KMO: variants seen among roughly 807,000 people sequenced by gnomAD.
KMO encodes the protein kynurenine 3-hydroxylase.
KMO carries 24 observed loss-of-function variants against 57.8 expected under a neutral mutation model. The observed-to-expected ratio is 0.42, with a 90% CI of 0.30 to 0.58. KMO has a LOEUF of 0.58. KMO is among the 20% of genes least tolerant of loss of function. The pLI is 0.22. For synonymous variants in KMO, 210 were observed against 193.6 expected, an observed-to-expected ratio of 1.08 and a Z score of -0.70; for missense variants, 483 against 588.2, an observed-to-expected ratio of 0.82 and a Z score of 1.85.
At chr1:241,546,808 A>C (rs78075210) in intron 1 of KMO, among the ~76,000 whole-genome samples, 1 of 152,264 alleles carries the variant, frequency 6.6e-6, no homozygotes, top group South Asian at 2.1e-4. Context: ...ATTTGCATGC[A>C]TGAGCTCAAA....
intron 2 of KMO, 44 bp from the exon 3 acceptor site, chr1:241,549,633 G>A (rs1336132908): frequency 7.7e-7 from 1 of 1,292,038 alleles, no homozygotes; most frequent in Non-Finnish European, 1.1e-6. Flanking sequence ...CCTGAGCTAG[G>A]ATATAAAGTG....
Position 241,586,849 on chromosome 1 carries a change from C to T in KMO, c.1015+113C>T. 3 of 720,304 alleles carry T rather than the reference C, an allele frequency of 4.2e-6. No individual in the cohort carries two copies. The South Asian group carries it at 5.8e-5, about 14-fold the overall frequency. 44.6% of individuals were successfully genotyped at this position (720,304 alleles called of 1,614,324 possible). Reference sequence around the variant, plus strand: ...TGTGATGTATAATGTATATTATCTCCCCAGGATTACATATTTTTCTACTAA... The same window carrying T: ...TGTGATGTATAATGTATATTATCTCTCCAGGATTACATATTTTTCTACTAA... On this transcript the variant is annotated intron_variant, in intron 11 of 14. Coordinates refer to ENST00000366559, the MANE Select transcript of KMO (RefSeq NM_003679.5).
intron 12 of KMO, among the ~76,000 whole-genome samples, chr1:241,589,032 A>T (rs1663139563): frequency 6.6e-6 from 1 of 152,210 alleles, no homozygotes; most frequent in African/African-American, 2.4e-5. Flanking sequence ...AATACACATT[A>T]TCTCTATCTA....
At position 241,590,594 on chromosome 1, in the gene KMO, C is replaced by G. The variant is rs965510918; in HGVS notation, c.1260+331C>G. ...TATGAGTTTAATTTGTAAAATTAGA[C>G]AGAACTGAATCACTTTTAAAAGATC... On this transcript the variant is annotated intron_variant, in intron 14 of 14. Coordinates refer to ENST00000366559, the MANE Select transcript of KMO (RefSeq NM_003679.5). Among the ~76,000 whole-genome samples, 3 of 152,144 alleles carry G rather than the reference C, an allele frequency of 2.0e-5. 1 individual carries two copies. Among genetic ancestry groups the G allele is most frequent in the African/African-American group, 7.2e-5 (3 of 41,440 alleles).
chr1:241,549,264 A>G (rs1661295167), intron 2 of KMO, among the ~76,000 whole-genome samples: 4 of 135,924 alleles, frequency 2.9e-5, no homozygotes, highest in South Asian at 2.4e-4. Context: ...AAAGAAAGAA[A>G]GAAAGGAAGG....
Position 241,594,790 on chromosome 1 carries a change from T to C in KMO, c.*2637T>C, listed in dbSNP as rs1663449375. ...CAGTTGAGCTGAATTTAAGTTGTTT[T>C]TTGTTTGTTAGCAGGTGTGGATGTG... On this transcript the variant is annotated 3_prime_UTR_variant, in exon 15 of 15. Coordinates refer to ENST00000366559, the MANE Select transcript of KMO (RefSeq NM_003679.5). The C allele has an allele frequency of 7.0e-7, 1 of 1,434,304 alleles. No individual in the cohort carries two copies. Among genetic ancestry groups the C allele is most frequent in the South Asian group, 1.4e-5 (1 of 73,338 alleles). 88.8% of individuals were successfully genotyped at this position (1,434,304 alleles called of 1,614,324 possible).
intron 2 of KMO, 53 bp from the exon 3 acceptor site, chr1:241,549,624 C>T: frequency 8.4e-7 from 1 of 1,196,622 alleles, no homozygotes; most frequent in Non-Finnish European, 1.2e-6. Context: ...TTTGCTCATC[C>T]TGAGCTAGGA....
chr1:241,583,580 C>T (rs995618212), intron 10 of KMO, among the ~76,000 whole-genome samples: 1 of 152,142 alleles, frequency 6.6e-6, no homozygotes, highest in Admixed American at 6.5e-5. Context: ...CCAAGCTGCA[C>T]TGCCTGGAGT....
rs1268813599 is a variant in KMO at position 241,590,038 on chromosome 1, G to A, written c.1125G>A (p.Trp375Ter). 3.1e-6 allele frequency: 5 copies of A among 1,613,832 alleles called. No individual in the cohort carries two copies. Among genetic ancestry groups the A allele is most frequent in the Non-Finnish European group, 4.2e-6 (5 of 1,179,906 alleles). ...TGCGAGCACATGTCAACTCAAGCTG[G>A]TTCATTTTTCAGAAGAACATGGAGA... Reference protein sequence around the residue: ...IEMRAHVNSSWFIFQKNMERF... With the variant: ...IEMRAHVNSS The change falls in exon 13 of 15, where the codon TGG becomes TGA. Residue 375 changes from tryptophan (W) to a stop codon, truncating the protein, a stop_gained. Transcript: ENST00000366559. LOFTEE classifies it high-confidence loss of function.
rs572902251 is a variant in KMO, at chr1:241,536,747, C to T, written c.54+4249C>T. ...TGTGATCTACTCTCCCTATGTTTGA[C>T]CCAGGAAAGTTCTCCATTTAGTAGT... On this transcript the variant is annotated intron_variant, in intron 1 of 14. Coordinates refer to ENST00000366559, the MANE Select transcript of KMO (RefSeq NM_003679.5). Among the ~76,000 whole-genome samples the T allele has an allele frequency of 7.2e-5, 11 of 152,254 alleles. No homozygotes were observed. In the South Asian group the frequency reaches 2.3e-3, roughly 32 times the overall value.
At chr1:241,555,728 G>C in intron 5 of KMO, 68 bp downstream of exon 5, 1 of 930,214 alleles carries the variant, frequency 1.1e-6, no homozygotes. Context: ...CTTGTCATAT[G>C]ATTTATTGGA....
chr1:241,577,888 G>A (rs373904834), intron 10 of KMO, among the ~76,000 whole-genome samples: 1 of 152,140 alleles, frequency 6.6e-6, no homozygotes, highest in African/African-American at 2.4e-5. Context: ...AACGGTGGGA[G>A]CCACCTCTCC....
chr1:241,534,239 C>T (rs532886226), intron 1 of KMO, among the ~76,000 whole-genome samples: 12 of 152,318 alleles, frequency 7.9e-5, no homozygotes, highest in African/African-American at 2.6e-4. Flanking sequence ...GAGGCTGTTA[C>T]GTTAGCTCAA....
At chr1:241,562,008 T>C (rs1271822648) in intron 6 of KMO, 159 bp from the exon 7 acceptor site, 1 of 617,484 alleles carries the variant, frequency 1.6e-6, no homozygotes, top group Non-Finnish European at 2.8e-6. Context: ...AGTGTTTTCA[T>C]CTAAATGTTA....
At chr1:241,546,462 G>A (rs1195643600) in intron 1 of KMO, among the ~76,000 whole-genome samples, 2 of 152,146 alleles carry the variant, frequency 1.3e-5, no homozygotes, top group African/African-American at 4.8e-5. Flanking sequence ...AAATTGGAAA[G>A]AGGCAAAATG....
chr1:241,552,300 C>A (rs12094314), intron 4 of KMO, among the ~76,000 whole-genome samples: 5,126 of 152,232 alleles, frequency 0.034, 281 homozygotes, highest in African/African-American at 0.12. Context: ...CCTCCCGCAT[C>A]ATTCCTGCTA....
Position 241,549,870 on chromosome 1 carries a change from A to T in KMO, c.222+96A>T, listed in dbSNP as rs1661333140. On this transcript the variant is annotated intron_variant, in intron 3 of 14. Coordinates refer to ENST00000366559, the MANE Select transcript of KMO (RefSeq NM_003679.5). The stretch of plus-strand genomic sequence containing the variant: ...CCTGGCTTAAAAAGTACCATTTAAT[A>T]CCAAGAATCTCTGCATGAAAACTCA... 7 of 776,190 alleles carry T rather than the reference A, an allele frequency of 9.0e-6. No individual in the cohort carries two copies. In the Admixed American group the frequency reaches 1.7e-4, roughly 19 times the overall value. 48.1% of individuals were successfully genotyped at this position (776,190 alleles called of 1,614,324 possible).
At chr1:241,535,843 C>T (rs558856820) in intron 1 of KMO, among the ~76,000 whole-genome samples, 1 of 152,330 alleles carries the variant, frequency 6.6e-6, no homozygotes, top group Non-Finnish European at 1.5e-5. Flanking sequence ...CCTGTGAAGG[C>T]TTCTCCTCTC....
Position 241,588,813 on chromosome 1 carries a change from A to G in KMO, c.1081A>G (p.Met361Val). Residue 361 changes from methionine (M) to valine (V), a missense_variant, in exon 12 of 15, where the codon ATG (methionine) becomes GTG (valine). Transcript: ENST00000366559. The part of the protein sequence containing the change: ...PDDHAISDLS[M>V]YNYIEMRAHV... The stretch of plus-strand genomic sequence containing the variant: ...TGATCACGCGATTTCAGACCTATCC[A>G]TGTACAATTACATAGAGGTGAGTGA... 3 of 1,612,670 alleles carry G rather than the reference A, an allele frequency of 1.9e-6. No homozygotes were observed. The highest frequency in any genetic ancestry group is 2.5e-6 in the Non-Finnish European group (3 of 1,178,890).
Sources: gnomAD v4.1 joint callset for allele counts (sites outside exome capture counted in the v4.1 genomes callset) on GRCh38, gnomAD v4.1.1 for gene constraint, MANE v1.5 for transcripts, NCBI Gene and HGNC (gene_info 2026-07-23, HGNC 2026-07-21) for gene names.